TLR3: variants seen among roughly 807,000 people sequenced by gnomAD.
TLR3 encodes toll-like receptor 3.
In TLR3, 43 loss-of-function variants were observed where a neutral mutation model predicts 66.4. The ratio of observed to expected loss-of-function variants is 0.65; its 90% CI spans 0.51 to 0.83. The LOEUF (loss-of-function observed/expected upper bound fraction) is 0.83. Among genes scored for constraint, TLR3 ranks in the 40% least tolerant of loss-of-function variants. The probability of loss-of-function intolerance (pLI) is 0.00; values close to 1 mark genes in which losing one functional copy is unlikely to be tolerated. For synonymous variants in TLR3, 397 were observed against 397.2 expected, an observed-to-expected ratio of 1.00 and a Z score of 0.01; for missense variants, 982 against 1,044.6, an observed-to-expected ratio of 0.94 and a Z score of 0.83.
Position 186,083,562 on chromosome 4 carries a change from G to A in TLR3, c.1876G>A (p.Glu626Lys), listed in dbSNP as rs762517411. The change falls in exon 4 of 5, where the codon GAG (glutamate) becomes AAG (lysine). Residue 626 changes from glutamate (E) to lysine (K), a missense_variant. Coordinates refer to ENST00000296795, the MANE Select transcript of TLR3 (RefSeq NM_003265.3). The surrounding 1 kb of genome is among the most constrained non-coding windows in gnomAD (Gnocchi z 4.0). The part of the protein sequence containing the change: ...NLQKNLITSV[E>K]KKVFGPAFRN... ...TCAGAAGAATCTCATAACATCCGTT[G>A]AGAAGAAGGTTTTCGGGCCAGCTTT... The A allele has an allele frequency of 3.1e-6, 5 of 1,613,004 alleles. No individual in the cohort carries two copies. In the East Asian group the frequency reaches 1.1e-4, roughly 36 times the overall value.
intron 1 of TLR3, among the ~76,000 whole-genome samples, 159 bp from the exon 2 acceptor site, chr4:186,076,454 A>T (rs1018336812): frequency 6.6e-6 from 1 of 152,292 alleles, no homozygotes; most frequent in Middle Eastern, 3.4e-3. Flanking sequence ...CGTTTGATGT[A>T]TGACTTGTAT....
intron 1 of TLR3, among the ~76,000 whole-genome samples, chr4:186,069,665 G>A (rs1379769130): frequency 2.0e-5 from 3 of 152,206 alleles, no homozygotes; most frequent in African/African-American, 4.8e-5. Flanking sequence ...TTTATTGGCT[G>A]GAGGGGAGAC....
intron 3 of TLR3, 117 bp from the exon 4 acceptor site, chr4:186,082,203 C>A: frequency 1.1e-6 from 1 of 898,094 alleles, no homozygotes; most frequent in Non-Finnish European, 1.6e-6. Flanking sequence ...CCAGCCTGGG[C>A]GACAGAGCGA....
chr4:186,084,550 A>G, intron 4 of TLR3, 95 bp from the exon 5 acceptor site: 1 of 822,126 alleles, frequency 1.2e-6, no homozygotes, highest in Non-Finnish European at 1.9e-6. Context: ...CCTGAGTTTC[A>G]GTAACAGTTT....
At position 186,071,684 on chromosome 4, in the gene TLR3, T is replaced by A. The variant is rs1579724230; in HGVS notation, c.-8+2436T>A. Among the ~76,000 whole-genome samples, 3 of 152,092 alleles carry A rather than the reference T, an allele frequency of 2.0e-5. No homozygotes were observed. In the East Asian group the frequency reaches 5.8e-4, roughly 29 times the overall value. Reference sequence around the variant, plus strand: ...ATATTAGTTTATGGAAGCCAGTTTTTTTTGTTGTTTTTTCTGTTTCTGAGA... The same window carrying A: ...ATATTAGTTTATGGAAGCCAGTTTTATTTGTTGTTTTTTCTGTTTCTGAGA... On this transcript the variant is annotated intron_variant, in intron 1 of 4. Coordinates refer to ENST00000296795, the MANE Select transcript of TLR3 (RefSeq NM_003265.3).
In TLR3 at chr4:186,087,042, A is replaced by G. The variant is rs2099304475; in HGVS notation, c.*2169A>G. ...AATGAAGAGGCTAAAGTGAAATTAC[A>G]AAGTTATTTACTTGTTGTGCACCCT... On this transcript the variant is annotated 3_prime_UTR_variant, in exon 5 of 5. Transcript: ENST00000296795. The G allele has an allele frequency of 6.6e-6, 1 of 152,210 alleles. No individual in the cohort carries two copies. The highest frequency in any genetic ancestry group is 1.5e-5 in the Non-Finnish European group (1 of 68,040). The allele number at this position is 152,210 out of a possible 1,614,324, so 9.4% of individuals were successfully genotyped here.
At position 186,083,874 on chromosome 4, in the gene TLR3, A is replaced by T; in HGVS notation, c.2188A>T (p.Ile730Leu). ...VLLIHFEGWR[I>L]SFYWNVSVHR... ...TCTCATCCACTTTGAGGGCTGGAGG[A>T]TATCTTTTTATTGGAATGTTTCAGT... Residue 730 changes from isoleucine to leucine, a missense_variant, in exon 4 of 5, where the codon ATA (isoleucine) becomes TTA (leucine). Coordinates refer to ENST00000296795, the MANE Select transcript of TLR3 (RefSeq NM_003265.3). The surrounding 1 kb of genome is among the most constrained non-coding windows in gnomAD (Gnocchi z 4.0). 1 of 1,614,056 alleles carries T rather than the reference A, an allele frequency of 6.2e-7. No homozygotes were observed. Among genetic ancestry groups the T allele is most frequent in the Non-Finnish European group, 8.5e-7 (1 of 1,180,010 alleles).
chr4:186,083,804 C>T lies in TLR3; in HGVS notation c.2118C>T (p.Phe706=), dbSNP rs756483851. 1 of 1,613,808 alleles carries T rather than the reference C, an allele frequency of 6.2e-7. No homozygotes were observed. Among genetic ancestry groups the T allele is most frequent in the South Asian group, 1.1e-5 (1 of 90,952 alleles). ...CKDSAPFELF[F]MINTSILLIF... ...ACAGTGCCCCCTTTGAACTCTTTTT[C>T]ATGATCAATACCAGTATCCTGTTGA... is the stretch of plus-strand genomic sequence containing the variant. The change falls in exon 4 of 5, where the codon TTC becomes TTT. Residue 706 remains phenylalanine (F), a synonymous_variant. Coordinates refer to ENST00000296795, the MANE Select transcript of TLR3 (RefSeq NM_003265.3). The surrounding 1 kb of genome is among the most constrained non-coding windows in gnomAD (Gnocchi z 4.0).
rs2099302948 is a variant in TLR3 at position 186,079,018 on chromosome 4, A to G, written c.620A>G (p.Asn207Ser). The G allele has an allele frequency of 6.2e-7, 1 of 1,613,394 alleles. No homozygotes were observed. The change falls in exon 3 of 5, where the codon AAT (asparagine) becomes AGT (serine). Residue 207 changes from asparagine to serine, a missense_variant. By Grantham distance (46) the Asn-to-Ser change is conservative. Coordinates refer to ENST00000296795, the MANE Select transcript of TLR3 (RefSeq NM_003265.3). ...TTAAAAAAATTAGAGTTGTCATCGA[A>G]TCAAATTAAAGAGGTAAGAAGTAAG... is the stretch of plus-strand genomic sequence containing the variant. ...SSLKKLELSSNQIKEFSPGCF... is the reference protein window; with the variant it reads ...SSLKKLELSSSQIKEFSPGCF...
chr4:186,069,673 G>A (rs955292520), intron 1 of TLR3, among the ~76,000 whole-genome samples: 2 of 152,324 alleles, frequency 1.3e-5, no homozygotes, highest in Admixed American at 1.3e-4. Flanking sequence ...CTGGAGGGGA[G>A]ACAGGAGCTG....
chr4:186,072,717 G>A (rs751126724), intron 1 of TLR3, among the ~76,000 whole-genome samples: 20 of 152,200 alleles, frequency 1.3e-4, no homozygotes, highest in African/African-American at 2.7e-4. Flanking sequence ...TCTGCCCCAT[G>A]AGCCAGTCAC....
chr4:186,073,443 C>A (rs2099301848), intron 1 of TLR3, among the ~76,000 whole-genome samples: 1 of 151,952 alleles, frequency 6.6e-6, no homozygotes, highest in African/African-American at 2.4e-5. Context: ...TCACTTGAAC[C>A]CAGGAGGTGG....
rs1296718373 is a variant in TLR3, at chr4:186,083,639, T to G, written c.1953T>G (p.Cys651Trp). 6.3e-7 allele frequency: 1 copy of G among 1,599,538 alleles called. No homozygotes were observed. Among genetic ancestry groups the G allele is most frequent in the Non-Finnish European group, 8.5e-7 (1 of 1,173,266 alleles). ...DMRFNPFDCT[C>W]ESIAWFVNWI... is the part of the protein sequence containing the mutation. ...GCTTTAATCCCTTTGATTGCACGTGTGAAAGTATTGCCTGGTTTGTTAATT... is the reference window on the plus strand; with the variant it reads ...GCTTTAATCCCTTTGATTGCACGTGGGAAAGTATTGCCTGGTTTGTTAATT... The change falls in exon 4 of 5, where the codon TGT (cysteine) becomes TGG (tryptophan). Residue 651 changes from cysteine (C) to tryptophan (W), a missense_variant. Physicochemically the swap from Cys to Trp is radical, Grantham distance 215. Around this residue, in one of 3 missense-constraint regions of TLR3, gnomAD observed 666 missense variants for 709.0 expected, o/e 0.94. Transcript: ENST00000296795. The surrounding 1 kb of genome is among the most constrained non-coding windows in gnomAD (Gnocchi z 4.0).
At chr4:186,074,484 G>GTAC (rs1228188377) in intron 1 of TLR3, among the ~76,000 whole-genome samples, 1 of 152,250 alleles carries the variant, frequency 6.6e-6, no homozygotes, top group Non-Finnish European at 1.5e-5. Context: ...GGAGCTTGCA[G>GTAC]TACTGGGAGT....
At chr4:186,070,977 G>A (rs147368202) in intron 1 of TLR3, among the ~76,000 whole-genome samples, 107 of 152,264 alleles carry the variant, frequency 7.0e-4, no homozygotes, top group East Asian at 2.3e-3. Flanking sequence ...GGATTGTGGG[G>A]ATGAGCCACT....
At chr4:186,069,591 C>T (rs1426080396) in intron 1 of TLR3, among the ~76,000 whole-genome samples, 2 of 152,142 alleles carry the variant, frequency 1.3e-5, no homozygotes, top group Admixed American at 6.5e-5. Context: ...TTTAGCAAAT[C>T]ACATCTTTGC....
Position 186,078,907 on chromosome 4 carries a change from T to C in TLR3, c.509T>C (p.Leu170Pro), listed in dbSNP as rs746832696. ...SSTKLGTQVQ[L>P]ENLQELLLSN... ...ACAAAATTAGGAACTCAGGTTCAGC[T>C]GGAAAATCTCCAAGAGCTTCTATTA... The change falls in exon 3 of 5, where the codon CTG (leucine) becomes CCG (proline). Residue 170 changes from leucine (L) to proline (P), a missense_variant. By Grantham distance (98) the Leu-to-Pro change is moderately conservative. Coordinates refer to ENST00000296795, the MANE Select transcript of TLR3 (RefSeq NM_003265.3). 1 of 1,614,144 alleles carries C rather than the reference T, an allele frequency of 6.2e-7. No homozygotes were observed. The highest frequency in any genetic ancestry group is 8.5e-7 in the Non-Finnish European group (1 of 1,180,014).
At position 186,069,166 on chromosome 4, in the gene TLR3, G is replaced by A. The variant is rs2099301020; in HGVS notation, c.-90G>A. The A allele has an allele frequency of 6.6e-6, 1 of 152,004 alleles. No individual in the cohort carries two copies. The highest frequency in any genetic ancestry group is 1.5e-5 in the Non-Finnish European group (1 of 68,012). The allele number at this position is 152,004 out of a possible 1,614,324, so 9.4% of individuals were successfully genotyped here. A position where few individuals can be genotyped will look rare whatever the true frequency, so the allele number is the denominator to read the frequency against. ...TCAAGCTTTACTTTCACTTTCGAGAGTGCCGTCTATTTGCCACACACTTCC... is the reference window on the plus strand; with the variant it reads ...TCAAGCTTTACTTTCACTTTCGAGAATGCCGTCTATTTGCCACACACTTCC... On this transcript the variant is annotated 5_prime_UTR_variant, in exon 1 of 5. The change creates a new upstream start codon in the 5' untranslated region. Coordinates refer to ENST00000296795, the MANE Select transcript of TLR3 (RefSeq NM_003265.3).
Position 186,085,091 on chromosome 4 carries a change from GCACGTAAGAA to G in TLR3, c.*221_*230del. ...ATTTTACCCAAAATAAAACATATAA[GCACGTAAGAA>G]CATTGTCTACTGATTAATATACAAT... On this transcript the variant is annotated 3_prime_UTR_variant, in exon 5 of 5. Coordinates refer to ENST00000296795, the MANE Select transcript of TLR3 (RefSeq NM_003265.3). 3.5e-6 allele frequency: 2 copies of G among 564,114 alleles called. No individual in the cohort carries two copies. The highest frequency in any genetic ancestry group is 6.2e-6 in the Non-Finnish European group (2 of 320,020). The allele number at this position is 564,114 out of a possible 1,614,324, so 34.9% of individuals were successfully genotyped here. A position where few individuals can be genotyped will look rare whatever the true frequency, so the allele number is the denominator to read the frequency against.
Sources: gnomAD v4.1 joint callset for allele counts (sites outside exome capture counted in the v4.1 genomes callset) on GRCh38, gnomAD v4.1.1 for gene constraint, gnomAD v4.1.1 regional missense constraint, Gnocchi (gnomAD v3.1) non-coding constraint, MANE v1.5 for transcripts, NCBI Gene and HGNC (gene_info 2026-07-23, HGNC 2026-07-21) for gene names.